CD2AP: variants seen among roughly 807,000 people sequenced by gnomAD.
CD2AP encodes the protein CD2 associated protein, also known as CD2-associated protein.
A neutral mutation model predicts 85.1 loss-of-function variants in CD2AP; 46 were observed. The ratio of observed to expected loss-of-function variants is 0.54; its 90% confidence interval spans 0.43 to 0.69. The LOEUF (loss-of-function observed/expected upper bound fraction) is 0.69, where lower values mean the gene tolerates loss of function less well. CD2AP is among the 30% of genes least tolerant of loss of function. The pLI, the probability that CD2AP is intolerant of heterozygous loss-of-function variation, is 0.00. For synonymous variants in CD2AP, 255 were observed against 252.9 expected (o/e 1.01, Z -0.08); for missense variants, 769 against 729.5 (o/e 1.05, Z -0.62).
intron 5 of CD2AP, among the ~76,000 whole-genome samples, chr6:47,559,695 T>C (rs1345581019): frequency 6.6e-6 from 1 of 152,200 alleles, no homozygotes; most frequent in Non-Finnish European, 1.5e-5. Flanking sequence ...CATTCCACCA[T>C]TTTAGACTTT....
intron 1 of CD2AP, among the ~76,000 whole-genome samples, chr6:47,482,356 G>A (rs567589229): frequency 5.2e-4 from 78 of 151,302 alleles, no homozygotes; most frequent in African/African-American, 1.7e-3. Context: ...GAAATGAGCC[G>A]GAAGTTTGCT....
Position 47,548,663 on chromosome 6 carries a change from T to G in CD2AP, c.420+3957T>G, listed in dbSNP as rs546099319. The stretch of plus-strand genomic sequence containing the variant: ...TGGTACCAATCCTGTTGACACTGTT[T>G]CACAAGATAGAGAGAGGGAACCCTC... On this transcript the variant is annotated intron_variant, in intron 4 of 17. Transcript: ENST00000359314. Among the ~76,000 whole-genome samples the G allele has an allele frequency of 7.2e-5, 11 of 152,104 alleles. 1 individual carries two copies. In the East Asian group the frequency reaches 2.1e-3, roughly 29 times the overall value.
At chr6:47,607,130 A>G (rs1489057836) in intron 14 of CD2AP, among the ~76,000 whole-genome samples, 2 of 128,114 alleles carry the variant, frequency 1.6e-5, no homozygotes, top group African/African-American at 5.0e-5. Flanking sequence ...TGCAAATGAC[A>G]GGATCTCATT....
At chr6:47,536,802 C>T (rs1261254565) in intron 3 of CD2AP, among the ~76,000 whole-genome samples, 1 of 152,182 alleles carries the variant, frequency 6.6e-6, no homozygotes, top group Non-Finnish European at 1.5e-5. Context: ...TTACTTCTGA[C>T]ACCCTTGTAA....
At chr6:47,579,521 TTGAAAGAACA>T (rs779152482) in intron 9 of CD2AP, 32 bp downstream of exon 9, 2 of 1,327,598 alleles carry the variant, frequency 1.5e-6, no homozygotes, top group South Asian at 2.4e-5. Context: ...ATGATAATAC[TTGAAAGAACA>T]TTTTGCCACT....
chr6:47,587,786 A>G (rs1241136686), intron 11 of CD2AP, among the ~76,000 whole-genome samples: 1 of 152,154 alleles, frequency 6.6e-6, no homozygotes, highest in Non-Finnish European at 1.5e-5. Flanking sequence ...GGTAACTTTT[A>G]TCTTATGTCC....
intron 2 of CD2AP, among the ~76,000 whole-genome samples, chr6:47,527,664 A>C (rs1323589058): frequency 6.6e-6 from 1 of 152,234 alleles, no homozygotes; most frequent in Non-Finnish European, 1.5e-5. Flanking sequence ...TTGGTATGGG[A>C]CATGGAAGTA....
chr6:47,483,071 A>G (rs1765484904), intron 1 of CD2AP, among the ~76,000 whole-genome samples: 2 of 152,190 alleles, frequency 1.3e-5, no homozygotes, highest in Non-Finnish European at 2.9e-5. Flanking sequence ...AATAAAAACT[A>G]GTAAGATGTG....
chr6:47,513,012 GAA>G (rs1417187268), intron 2 of CD2AP, among the ~76,000 whole-genome samples: 5 of 152,154 alleles, frequency 3.3e-5, no homozygotes, highest in African/African-American at 1.2e-4. Context: ...TTAGTAGAGA[GAA>G]ATGATGTCAG....
chr6:47,587,321 A>C (rs1395324119), intron 11 of CD2AP, among the ~76,000 whole-genome samples: 3 of 152,188 alleles, frequency 2.0e-5, no homozygotes, highest in Admixed American at 6.5e-5. Flanking sequence ...GGCGCAGAAA[A>C]GAGCTACTTA....
At position 47,546,773 on chromosome 6, in the gene CD2AP, T is replaced by G. The variant is rs921455464; in HGVS notation, c.420+2067T>G. The stretch of plus-strand genomic sequence containing the variant: ...ATGAAGGAAAGAATCTTAAGAGCTG[T>G]GAGGCAGAAGTACCAGGTAACCTAT... On this transcript the variant is annotated intron_variant, in intron 4 of 17. Coordinates refer to ENST00000359314, the MANE Select transcript of CD2AP (RefSeq NM_012120.3). Among the ~76,000 whole-genome samples the G allele has an allele frequency of 5.9e-5, 9 of 152,278 alleles. No individual in the cohort carries two copies. In the East Asian group the frequency reaches 1.7e-3, roughly 29 times the overall value.
At chr6:47,490,437 A>G (rs952228872) in intron 1 of CD2AP, among the ~76,000 whole-genome samples, 2 of 152,210 alleles carry the variant, frequency 1.3e-5, no homozygotes, top group African/African-American at 4.8e-5. Context: ...AAACATGCTT[A>G]AAAATAATTT....
At chr6:47,556,055 CTT>C (rs75174694) in intron 5 of CD2AP, among the ~76,000 whole-genome samples, 46 of 129,952 alleles carry the variant, frequency 3.5e-4, no homozygotes, top group East Asian at 6.4e-4. Flanking sequence ...TTTTCCTTTT[CTT>C]TTTTTTTTTT....
At chr6:47,516,647 CAG>C (rs1766460076) in intron 2 of CD2AP, among the ~76,000 whole-genome samples, 1 of 152,052 alleles carries the variant, frequency 6.6e-6, no homozygotes. Flanking sequence ...AATACTGGAA[CAG>C]AAAGTTAGAG....
chr6:47,500,387 T>G (rs1209797509), intron 1 of CD2AP, among the ~76,000 whole-genome samples: 1 of 152,174 alleles, frequency 6.6e-6, no homozygotes, highest in Admixed American at 6.5e-5. Context: ...TCCCTTAGGT[T>G]CTCTAGGCTT....
At chr6:47,512,147 G>A (rs1157982171) in intron 2 of CD2AP, among the ~76,000 whole-genome samples, 5 of 151,560 alleles carry the variant, frequency 3.3e-5, no homozygotes, top group Non-Finnish European at 7.4e-5. Context: ...AACAGAGCGA[G>A]ACTCCGTCTG....
intron 2 of CD2AP, among the ~76,000 whole-genome samples, chr6:47,524,731 G>C (rs1218350400): frequency 1.3e-5 from 2 of 151,970 alleles, no homozygotes; most frequent in African/African-American, 2.4e-5. Context: ...TTCTACTTTT[G>C]CCTTCTCTGA....
intron 6 of CD2AP, among the ~76,000 whole-genome samples, chr6:47,574,977 C>T (rs1768266918): frequency 6.6e-6 from 1 of 152,204 alleles, no homozygotes; most frequent in Admixed American, 6.5e-5. Flanking sequence ...CGTGTAGCTA[C>T]ATCTCATTTA....
chr6:47,592,835 T>C (rs934035048), intron 11 of CD2AP, among the ~76,000 whole-genome samples: 6 of 152,194 alleles, frequency 3.9e-5, no homozygotes, highest in East Asian at 1.9e-4. Context: ...TCCATTTGGC[T>C]GTTCTGAGCT....
Sources: gnomAD v4.1 joint callset for allele counts (sites outside exome capture counted in the v4.1 genomes callset) on GRCh38, gnomAD v4.1.1 for gene constraint, MANE v1.5 for transcripts, NCBI Gene and HGNC (gene_info 2026-07-23, HGNC 2026-07-21) for gene names.